LRRC37A2: variants seen among roughly 807,000 people sequenced by gnomAD.
LRRC37A2 encodes the protein leucine rich repeat containing 37 member A2, also known as leucine-rich repeat-containing protein 37A2.
A neutral mutation model predicts 68.8 loss-of-function variants in LRRC37A2; 9 were observed. That is an observed-to-expected ratio of 0.13 (90% CI 0.08 to 0.23). The LOEUF is 0.23. Ranked by LOEUF, LRRC37A2 falls within the 10% of genes least tolerant of loss-of-function variation. The pLI is 1.00. For synonymous variants in LRRC37A2, 63 were observed against 367.6 expected (o/e 0.17, Z 9.48); for missense variants, 168 against 950.4 (o/e 0.18, Z 10.82).
the LRRC37A2 span, chr17:46,936,664 C>A: frequency 1.0e-6 from 1 of 984,584 alleles, no homozygotes; most frequent in Admixed American, 6.2e-5. Flanking sequence ...AATTTATGGT[C>A]ATTTTCAAGT....
chr17:47,033,990 T>C, the LRRC37A2 span, among the ~76,000 whole-genome samples: 1 of 152,144 alleles, frequency 6.6e-6, no homozygotes, highest in Non-Finnish European at 1.5e-5. Context: ...GTTTAATGTA[T>C]AAAATGAAGG....
intron 4 of LRRC37A2, among the ~76,000 whole-genome samples, chr17:46,521,544 C>G (rs1476800699): frequency 1.7e-5 from 1 of 58,770 alleles, no homozygotes; most frequent in African/African-American, 5.8e-5. Context: ...CCTGTTTATG[C>G]TCAGAAGAAA....
At chr17:46,934,128 G>A in the LRRC37A2 span, among the ~76,000 whole-genome samples, 2 of 152,110 alleles carry the variant, frequency 1.3e-5, no homozygotes, top group African/African-American at 4.8e-5. Flanking sequence ...TGGGTAACAG[G>A]GCAGGCCCTG....
At chr17:46,493,367 T>A in the LRRC37A2 span, among the ~76,000 whole-genome samples, 1 of 127,044 alleles carries the variant, frequency 7.9e-6, no homozygotes, top group Non-Finnish European at 1.6e-5. Flanking sequence ...TTTGATATGT[T>A]GCCCAGACTG....
the LRRC37A2 span, among the ~76,000 whole-genome samples, chr17:46,790,621 C>T: frequency 2.0e-5 from 3 of 152,256 alleles, no homozygotes; most frequent in East Asian, 1.9e-4. Flanking sequence ...AGGATCAACC[C>T]GTCCCCTGTT....
the LRRC37A2 span, among the ~76,000 whole-genome samples, chr17:46,892,251 C>T: frequency 2.6e-5 from 4 of 152,060 alleles, no homozygotes; most frequent in Non-Finnish European, 4.4e-5. Context: ...GGAAATGTCA[C>T]ACCCCTGCCT....
chr17:47,022,781 T>G, the LRRC37A2 span, among the ~76,000 whole-genome samples: 2,324 of 152,286 alleles, frequency 0.015, 41 homozygotes, highest in African/African-American at 0.054. Flanking sequence ...GCATAATCCA[T>G]AGTATGGATG....
At chr17:46,710,241 G>A in the LRRC37A2 span, among the ~76,000 whole-genome samples, 1 of 152,106 alleles carries the variant, frequency 6.6e-6, no homozygotes, top group Admixed American at 6.6e-5. Context: ...CAGTTCAATT[G>A]TAAATACTAA....
At chr17:46,989,891 C>T in the LRRC37A2 span, among the ~76,000 whole-genome samples, 1 of 152,228 alleles carries the variant, frequency 6.6e-6, no homozygotes, top group Non-Finnish European at 1.5e-5. Flanking sequence ...TTGGGCACTC[C>T]TGTCCCATGA....
the LRRC37A2 span, among the ~76,000 whole-genome samples, chr17:46,779,103 A>ACACACACACCCCCCCCC: frequency 1.5e-5 from 2 of 133,590 alleles, no homozygotes; most frequent in Admixed American, 1.6e-4. Context: ...ACACACACAC[A>ACACACACACCCCCCCCC]CCCCAGCCCA....
the LRRC37A2 span, among the ~76,000 whole-genome samples, chr17:46,765,906 G>A: frequency 6.6e-6 from 1 of 152,258 alleles, no homozygotes; most frequent in South Asian, 2.1e-4. Flanking sequence ...TGGCCTGGGA[G>A]TGTTTATCAG....
the LRRC37A2 span, among the ~76,000 whole-genome samples, chr17:46,492,860 A>AT: frequency 1.3e-5 from 2 of 150,104 alleles, no homozygotes; most frequent in East Asian, 1.9e-4. Flanking sequence ...CGCCCGGCTA[A>AT]TTTTTTTGTA....
At chr17:46,809,295 G>C in the LRRC37A2 span, among the ~76,000 whole-genome samples, 5 of 152,154 alleles carry the variant, frequency 3.3e-5, no homozygotes, top group African/African-American at 9.7e-5. Context: ...GCGGGATCCT[G>C]CTCACTCACA....
chr17:46,929,117 T>C, the LRRC37A2 span, among the ~76,000 whole-genome samples: 2 of 152,190 alleles, frequency 1.3e-5, no homozygotes, highest in African/African-American at 4.8e-5. Flanking sequence ...TACAGGCCAG[T>C]GCTTAGCACA....
chr17:46,807,883 C>T, the LRRC37A2 span, among the ~76,000 whole-genome samples: 2 of 152,246 alleles, frequency 1.3e-5, no homozygotes, highest in African/African-American at 4.8e-5. Flanking sequence ...CATGCTTTAT[C>T]AGAAAGGAGA....
At chr17:46,758,276 G>C in the LRRC37A2 span, among the ~76,000 whole-genome samples, 1 of 152,236 alleles carries the variant, frequency 6.6e-6, no homozygotes, top group Admixed American at 6.5e-5. Flanking sequence ...AGTCCACAAG[G>C]CCCTGTGGGG....
chr17:46,851,671 G>A, the LRRC37A2 span: 1 of 1,308,088 alleles, frequency 7.6e-7, no homozygotes, highest in Non-Finnish European at 9.7e-7. This position sits in a 1 kb window ranked among gnomAD's most constrained non-coding sequence, Gnocchi z 4.3. Context: ...CCCTGGCCGG[G>A]CTCTGCCTGC....
the LRRC37A2 span, among the ~76,000 whole-genome samples, chr17:46,970,535 CAAAAAAA>C: frequency 2.9e-3 from 149 of 51,218 alleles, 1 homozygote; most frequent in African/African-American, 9.6e-3. Context: ...GACTCCATCT[CAAAAAAA>C]AAAAAAAAAA....
chr17:46,837,248 G>A, the LRRC37A2 span, among the ~76,000 whole-genome samples: 39 of 152,228 alleles, frequency 2.6e-4, no homozygotes, highest in Non-Finnish European at 5.0e-4. Context: ...GCTGAACCTT[G>A]CAAGTATTTC....
Sources: allele counts gnomAD v4.1 joint callset (sites outside exome capture counted in the v4.1 genomes callset), GRCh38; gene constraint gnomAD v4.1.1; non-coding constraint Gnocchi (gnomAD v3.1); transcripts MANE v1.5; gene names NCBI Gene and HGNC (gene_info 2026-07-23, HGNC 2026-07-21).